The following PLEKHG1 variants were observed in gnomAD, a reference collection of about 807,000 sequenced individuals.
The protein encoded by PLEKHG1 is pleckstrin homology and RhoGEF domain containing G1, also known as pleckstrin homology domain-containing family G member 1.
A neutral mutation model predicts 100.8 loss-of-function variants in PLEKHG1; 44 were observed. The ratio of observed to expected loss-of-function variants is 0.44; its 90% CI spans 0.34 to 0.56. PLEKHG1 has a LOEUF of 0.56. Ranked by LOEUF, PLEKHG1 falls within the 20% of genes least tolerant of loss-of-function variation. The probability of loss-of-function intolerance (pLI) is 0.01; values close to 1 mark genes in which losing one functional copy is unlikely to be tolerated. For synonymous variants in PLEKHG1, 640 were observed against 662.5 expected (o/e 0.97, Z 0.52); for missense variants, 1,545 against 1,720.9 (o/e 0.90, Z 1.81).
chr6:150,739,730 CAGCAGA>C (rs1022213808), intron 2 of PLEKHG1, among the ~76,000 whole-genome samples: 4 of 151,570 alleles, frequency 2.6e-5, no homozygotes, highest in African/African-American at 7.3e-5. Flanking sequence ...AAAATTTAAA[CAGCAGA>C]AGCATAAGCA....
intron 3 of PLEKHG1, among the ~76,000 whole-genome samples, chr6:150,666,333 C>T (rs976926792): frequency 2.6e-5 from 4 of 152,208 alleles, no homozygotes; most frequent in African/African-American, 9.6e-5. Flanking sequence ...CCTCTCATTA[C>T]ACTGAGTTCG....
exon 15 of PLEKHG1, chr6:150,830,798 G>A (rs756100988): frequency 1.2e-5 from 20 of 1,614,098 alleles, no homozygotes; most frequent in East Asian, 2.2e-5. Flanking sequence ...TCAGATGTTC[G>A]TGCCGTCATT....
chr6:150,818,484 G>A lies in PLEKHG1; in HGVS notation c.1312+268G>A, dbSNP rs142893289. 2.5e-3 allele frequency among the ~76,000 whole-genome samples: 373 copies of A among 152,224 alleles called. 4 individuals carry two copies. Among genetic ancestry groups the A allele is most frequent in the African/African-American group, 8.4e-3 (347 of 41,530 alleles). On this transcript the variant is annotated intron_variant, in intron 11 of 15. Transcript: ENST00000358517. ...TAACAATGTCAGTTATGTCTCCAGG[G>A]TCAACTCTACCCCTACCCCTGCCCC...
chr6:150,635,109 C>T (rs1206400010), intron 1 of PLEKHG1, among the ~76,000 whole-genome samples: 2 of 152,196 alleles, frequency 1.3e-5, no homozygotes, highest in South Asian at 2.1e-4. Context: ...CTACCCTTCA[C>T]GGGCTTATCA....
chr6:150,650,275 G>C (rs1778675433), intron 2 of PLEKHG1, among the ~76,000 whole-genome samples: 1 of 152,168 alleles, frequency 6.6e-6, no homozygotes, highest in African/African-American at 2.4e-5. Flanking sequence ...CGGTGGAGAA[G>C]GATTGAAATC....
chr6:150,671,621 A>C lies in PLEKHG1; in HGVS notation c.-99+20835A>C, dbSNP rs142490025. 1.7e-3 allele frequency among the ~76,000 whole-genome samples: 261 copies of C among 152,352 alleles called. 2 individuals are homozygous for C. Among genetic ancestry groups the C allele is most frequent in the African/African-American group, 6.0e-3 (250 of 41,576 alleles). On this transcript the variant is annotated intron_variant, in intron 3 of 3. Coordinates refer to the PLEKHG1 transcript ENST00000367326. ...TGGTAGTGACACCTGCAAGAAGCTT[A>C]GAGTCTAGTGGAGCTGAAAGATAAC...
intron 2 of PLEKHG1, among the ~76,000 whole-genome samples, chr6:150,743,347 C>G (rs182690156): frequency 1.2e-3 from 190 of 152,082 alleles, no homozygotes; most frequent in Middle Eastern, 6.8e-3. Flanking sequence ...ATGGTGAAAC[C>G]CTGTCTCTAC....
intron 10 of PLEKHG1, among the ~76,000 whole-genome samples, chr6:150,810,514 A>AAAAGAAAG (rs370057036): frequency 0.027 from 2,407 of 88,622 alleles, 78 homozygotes; most frequent in African/African-American, 0.077. Flanking sequence ...GAAAGAAAGA[A>AAAAGAAAG]AAAGAAAGAA....
In PLEKHG1 at chr6:150,816,213, A is replaced by G. The variant is rs147459038; in HGVS notation, c.1279-1970A>G. Among the ~76,000 whole-genome samples the G allele has an allele frequency of 1.5e-3, 231 of 151,990 alleles. 1 individual carries two copies. In the South Asian group the frequency reaches 0.024, roughly 16 times the overall value. ...GTCACTGCAGAAAACCCTGCTTCAC[A>G]AAGATAGGATGTTGGAAATGGAAGC... is the stretch of plus-strand genomic sequence containing the variant. On this transcript the variant is annotated intron_variant, in intron 10 of 15. Transcript: ENST00000358517.
At chr6:150,782,578 A>C (rs562689914) in intron 3 of PLEKHG1, among the ~76,000 whole-genome samples, 63 of 152,288 alleles carry the variant, frequency 4.1e-4, no homozygotes, top group African/African-American at 1.5e-3. Flanking sequence ...TTCCAGTGAC[A>C]TATCTGTGTG....
intron 3 of PLEKHG1, among the ~76,000 whole-genome samples, chr6:150,697,056 C>A (rs1387393133): frequency 1.3e-5 from 2 of 151,090 alleles, no homozygotes; most frequent in African/African-American, 4.9e-5. Flanking sequence ...AAGATGGTAC[C>A]ACTGCACTCC....
At chr6:150,791,700 C>G (rs978183340) in intron 4 of PLEKHG1, among the ~76,000 whole-genome samples, 3 of 149,198 alleles carry the variant, frequency 2.0e-5, no homozygotes, top group Non-Finnish European at 4.5e-5. Context: ...AAAGAGGCTT[C>G]TTTGAATATG....
chr6:150,761,091 CTTTTTTTCTTT>C (rs1784129373), intron 2 of PLEKHG1, among the ~76,000 whole-genome samples: 2 of 123,630 alleles, frequency 1.6e-5, no homozygotes, highest in Non-Finnish European at 3.4e-5. Flanking sequence ...TGATTTCTTT[CTTTTTTTCTTT>C]TTTTTTTTTT....
chr6:150,684,727 G>A (rs766671842), intron 3 of PLEKHG1, among the ~76,000 whole-genome samples: 1 of 151,832 alleles, frequency 6.6e-6, no homozygotes, highest in Non-Finnish European at 1.5e-5. Flanking sequence ...TCCTTTAGAT[G>A]TGTTTCTTTT....
chr6:150,601,712 C>T (rs1165737897), intron 1 of PLEKHG1, among the ~76,000 whole-genome samples: 1 of 152,204 alleles, frequency 6.6e-6, no homozygotes, highest in Non-Finnish European at 1.5e-5. Context: ...ACAGCAATGG[C>T]TGCACGACCT....
chr6:150,604,565 G>A (rs1411322363), intron 1 of PLEKHG1, among the ~76,000 whole-genome samples: 3 of 152,188 alleles, frequency 2.0e-5, no homozygotes, highest in African/African-American at 4.8e-5. Flanking sequence ...CTGTTTTGTA[G>A]TGTCCTTCCG....
intron 3 of PLEKHG1, among the ~76,000 whole-genome samples, chr6:150,690,292 G>A (rs574951321): frequency 6.6e-6 from 1 of 151,920 alleles, no homozygotes; most frequent in South Asian, 2.1e-4. Flanking sequence ...GAGATGTGTG[G>A]GATCCTGGTG....
At chr6:150,840,413 T>C in exon 16 of PLEKHG1, 2 of 1,614,186 alleles carry the variant, frequency 1.2e-6, no homozygotes, top group Non-Finnish European at 8.5e-7. Flanking sequence ...TGCTGCCAGA[T>C]ATTGCTGACT....
At position 150,831,722 on chromosome 6, in the gene PLEKHG1, A is replaced by G. The variant is rs1331023998; in HGVS notation, c.2611A>G (p.Arg871Gly). The stretch of plus-strand genomic sequence containing the variant: ...TGTGAGCAAGGATGATGTGCCAGAC[A>G]GGCTGCACGCAGAGAGCACCCCTGA... Residue 871 changes from arginine to glycine, a missense_variant, in exon 15 of 16, where the codon AGG (arginine) becomes GGG (glycine). Coordinates refer to ENST00000358517, the Ensembl canonical transcript of PLEKHG1. This position sits in a 1 kb window ranked among gnomAD's most constrained non-coding sequence, Gnocchi z 4.1. The G allele has an allele frequency of 6.2e-7, 1 of 1,613,414 alleles. No homozygotes were observed. Among genetic ancestry groups the G allele is most frequent in the East Asian group, 2.2e-5 (1 of 44,880 alleles).
Sources: gnomAD v4.1 joint callset for allele counts (sites outside exome capture counted in the v4.1 genomes callset) on GRCh38, gnomAD v4.1.1 for gene constraint, Gnocchi (gnomAD v3.1) non-coding constraint, MANE v1.5 for transcripts, NCBI Gene and HGNC (gene_info 2026-07-23, HGNC 2026-07-21) for gene names.